The following TSPAN11 variants were observed in gnomAD, a reference collection of about 807,000 sequenced individuals.
TSPAN11 encodes tetraspanin 11.
In TSPAN11, 29 loss-of-function variants were observed where a neutral mutation model predicts 32.9. The ratio of observed to expected loss-of-function variants is 0.88; its 90% CI spans 0.66 to 1.20. The LOEUF is 1.20. TSPAN11 is among the 50% of genes most tolerant of loss of function. The pLI is 0.00. For synonymous variants in TSPAN11, 140 were observed against 141.3 expected (o/e 0.99, Z 0.07); for missense variants, 283 against 329.1 (o/e 0.86, Z 1.08).
chr12:30,956,400 C>T (rs1475409470), intron 2 of TSPAN11, among the ~76,000 whole-genome samples: 1 of 152,116 alleles, frequency 6.6e-6, no homozygotes, highest in Non-Finnish European at 1.5e-5. Context: ...TTTAGTGCAG[C>T]TTACAACCCA....
chr12:31,016,331 C>A, the TSPAN11 span, among the ~76,000 whole-genome samples: 3 of 152,064 alleles, frequency 2.0e-5, no homozygotes, highest in Non-Finnish European at 4.4e-5. Context: ...TGGCTGGTGG[C>A]GACAGCTGCA....
chr12:30,940,010 G>A (rs1420620537), intron 1 of TSPAN11, among the ~76,000 whole-genome samples: 2 of 152,204 alleles, frequency 1.3e-5, no homozygotes, highest in Non-Finnish European at 2.9e-5. Flanking sequence ...AGAGTGCAGA[G>A]AAAACTCAGG....
the TSPAN11 span, among the ~76,000 whole-genome samples, chr12:31,010,553 A>T: frequency 6.6e-6 from 1 of 152,128 alleles, no homozygotes; most frequent in Non-Finnish European, 1.5e-5. Flanking sequence ...CAACTTAGGG[A>T]GGCTGAGGCA....
chr12:30,945,455 T>C (rs1938247374), intron 1 of TSPAN11, among the ~76,000 whole-genome samples: 1 of 152,082 alleles, frequency 6.6e-6, no homozygotes, highest in Non-Finnish European at 1.5e-5. Flanking sequence ...TTATGTCTGA[T>C]TTATAAAAAT....
intron 1 of TSPAN11, among the ~76,000 whole-genome samples, chr12:30,947,013 G>C (rs1408533769): frequency 6.6e-6 from 1 of 152,184 alleles, no homozygotes; most frequent in Non-Finnish European, 1.5e-5. Flanking sequence ...AGGCCCGTCT[G>C]CTTCCCAGAA....
the TSPAN11 span, chr12:31,015,399 C>T: frequency 6.6e-6 from 1 of 152,384 alleles, no homozygotes; most frequent in African/African-American, 2.4e-5. The surrounding 1 kb of genome is among the most constrained non-coding windows in gnomAD (Gnocchi z 4.9). Flanking sequence ...CCTGGGGAAC[C>T]AGCGCAGAGG....
chr12:30,948,277 T>G (rs1938309979), intron 1 of TSPAN11, among the ~76,000 whole-genome samples: 1 of 152,202 alleles, frequency 6.6e-6, no homozygotes, highest in Admixed American at 6.5e-5. Flanking sequence ...TGGAGGACAG[T>G]GGCCCCCTTC....
At chr12:31,001,706 C>T in the TSPAN11 span, among the ~76,000 whole-genome samples, 1 of 152,164 alleles carries the variant, frequency 6.6e-6, no homozygotes, top group African/African-American at 2.4e-5. Flanking sequence ...AGGCAGTTCC[C>T]CCACCACATC....
chr12:30,949,431 G>A (rs7305970), intron 1 of TSPAN11, among the ~76,000 whole-genome samples: 132,842 of 152,166 alleles, frequency 0.87, 58,206 homozygotes, highest in Admixed American at 0.91. Context: ...CATGGTGGGA[G>A]GCAAAAGGCA....
At chr12:31,016,407 G>A in the TSPAN11 span, among the ~76,000 whole-genome samples, 5 of 151,992 alleles carry the variant, frequency 3.3e-5, no homozygotes, top group Non-Finnish European at 7.4e-5. Context: ...GTAAATTTTA[G>A]CTTAGGTTTA....
chr12:30,991,000 C>T (rs887951161), intron 7 of TSPAN11, among the ~76,000 whole-genome samples: 2 of 152,140 alleles, frequency 1.3e-5, no homozygotes, highest in Non-Finnish European at 2.9e-5. Context: ...AGGAAGAAGG[C>T]AGAGGAGGGC....
At chr12:30,945,274 G>C (rs973994755) in intron 1 of TSPAN11, among the ~76,000 whole-genome samples, 3 of 152,036 alleles carry the variant, frequency 2.0e-5, no homozygotes, top group Admixed American at 2.0e-4. Flanking sequence ...GCGCTCCCCA[G>C]TGTCTGGAAG....
At chr12:31,004,439 G>A in the TSPAN11 span, among the ~76,000 whole-genome samples, 14 of 152,126 alleles carry the variant, frequency 9.2e-5, no homozygotes, top group Non-Finnish European at 1.8e-4. Context: ...TGAACCCTGG[G>A]AAGGAGATAG....
In TSPAN11 at chr12:30,966,149, G is replaced by A. The variant is rs774186463; in HGVS notation, c.276+2132G>A. Among the ~76,000 whole-genome samples the A allele has an allele frequency of 6.4e-4, 98 of 152,130 alleles. 1 individual carries two copies. The highest frequency in any genetic ancestry group is 1.2e-3 in the Non-Finnish European group (81 of 68,004). ...CAACAACAGGAGGTGGGGGTCACACGGGCGGAGAGCCAAAGACTAGGGCTC... is the reference window on the plus strand; with the variant it reads ...CAACAACAGGAGGTGGGGGTCACACAGGCGGAGAGCCAAAGACTAGGGCTC... On this transcript the variant is annotated intron_variant, in intron 3 of 7. Coordinates refer to ENST00000546076, the MANE Select transcript of TSPAN11 (RefSeq NM_001370302.1).
intron 1 of TSPAN11, among the ~76,000 whole-genome samples, chr12:30,947,695 C>T (rs12303011): frequency 0.086 from 13,154 of 152,188 alleles, 1,545 homozygotes; most frequent in African/African-American, 0.26. Context: ...CCTCCCACAA[C>T]ATATGGGAAT....
the TSPAN11 span, among the ~76,000 whole-genome samples, chr12:31,010,240 C>A: frequency 6.6e-6 from 1 of 152,108 alleles, no homozygotes; most frequent in African/African-American, 2.4e-5. Flanking sequence ...GCTCAGGGAC[C>A]CCGGGGTCAA....
At chr12:30,937,787 GGGA>G (rs1304668321) in intron 1 of TSPAN11, among the ~76,000 whole-genome samples, 1 of 152,154 alleles carries the variant, frequency 6.6e-6, no homozygotes, top group African/African-American at 2.4e-5. Context: ...TCTCTAATAG[GGGA>G]GCACTGTAGT....
chr12:30,947,071 A>G (rs1024362617), intron 1 of TSPAN11, among the ~76,000 whole-genome samples: 1 of 152,252 alleles, frequency 6.6e-6, no homozygotes, highest in Non-Finnish European at 1.5e-5. Flanking sequence ...TCAGGGGATT[A>G]TCCAAAGCCC....
intron 1 of TSPAN11, among the ~76,000 whole-genome samples, chr12:30,931,617 T>G (rs1326440347): frequency 6.6e-6 from 1 of 152,100 alleles, no homozygotes; most frequent in Non-Finnish European, 1.5e-5. Context: ...CGGTGGCTCA[T>G]GCCTGTAATC....
Sources: allele counts gnomAD v4.1 joint callset (sites outside exome capture counted in the v4.1 genomes callset), GRCh38; gene constraint gnomAD v4.1.1; non-coding constraint Gnocchi (gnomAD v3.1); transcripts MANE v1.5; gene names NCBI Gene and HGNC (gene_info 2026-07-23, HGNC 2026-07-21).